KIF20B: variants seen among roughly 807,000 people sequenced by gnomAD.
KIF20B encodes the protein kinesin-like protein KIF20B.
A neutral mutation model predicts 232.5 loss-of-function variants in KIF20B; 188 were observed. The ratio of observed to expected loss-of-function variants is 0.81; its 90% confidence interval spans 0.72 to 0.91. The LOEUF (loss-of-function observed/expected upper bound fraction) is 0.91. KIF20B is among the 40% of genes least tolerant of loss of function. The probability of loss-of-function intolerance (pLI) is 0.00; values close to 1 mark genes in which losing one functional copy is unlikely to be tolerated. For missense variants in KIF20B, 2,154 were observed against 2,055.9 expected, an observed-to-expected ratio of 1.05 and a Z score of -0.92; for synonymous variants, 712 against 683.0, an observed-to-expected ratio of 1.04 and a Z score of -0.66.
chr10:89,770,414 A>G (rs1842439847), intron 31 of KIF20B, among the ~76,000 whole-genome samples: 1 of 152,006 alleles, frequency 6.6e-6, no homozygotes, highest in African/African-American at 2.4e-5. Context: ...TTAAATATCT[A>G]AATTTGGAGA....
At chr10:89,728,903 CTTTG>C (rs1589862045) in intron 17 of KIF20B, among the ~76,000 whole-genome samples, 1 of 98,184 alleles carries the variant, frequency 1.0e-5, no homozygotes, top group East Asian at 2.8e-4. Context: ...CTTCTTTTTT[CTTTG>C]TGTGTGTGTG....
intron 23 of KIF20B, among the ~76,000 whole-genome samples, chr10:89,748,433 T>C (rs1207263318): frequency 6.6e-6 from 1 of 152,242 alleles, no homozygotes; most frequent in African/African-American, 2.4e-5. Flanking sequence ...AACCCAGGTG[T>C]GCTTCACTCT....
chr10:89,736,831 G>A (rs945871118), intron 19 of KIF20B, among the ~76,000 whole-genome samples: 18 of 152,096 alleles, frequency 1.2e-4, no homozygotes, highest in African/African-American at 3.6e-4. Flanking sequence ...GTAGTATGAA[G>A]CAGTTTATTA....
At chr10:89,742,287 A>G (rs985254006) in intron 21 of KIF20B, among the ~76,000 whole-genome samples, 18 of 152,176 alleles carry the variant, frequency 1.2e-4, no homozygotes, top group South Asian at 4.1e-4. Context: ...TCTGGGTTCA[A>G]TACTGTCCAC....
chr10:89,745,836 C>A, intron 22 of KIF20B, 63 bp from the exon 23 acceptor site: 1 of 1,068,652 alleles, frequency 9.4e-7, no homozygotes, highest in Non-Finnish European at 1.4e-6. Context: ...TTTTCAAGAT[C>A]CACTGTTAAA....
chr10:89,732,104 C>T (rs371910427), intron 18 of KIF20B, among the ~76,000 whole-genome samples: 3 of 144,500 alleles, frequency 2.1e-5, no homozygotes, highest in Non-Finnish European at 4.5e-5. Flanking sequence ...TTTGGAAGTT[C>T]CCCCCCTCTC....
Position 89,717,460 on chromosome 10 carries a change from A to G in KIF20B, c.1089A>G (p.Glu363=), listed in dbSNP as rs1234249637. The G allele has an allele frequency of 6.3e-7, 1 of 1,595,512 alleles. No homozygotes were observed. The highest frequency in any genetic ancestry group is 8.6e-7 in the Non-Finnish European group (1 of 1,165,804). The change falls in exon 10 of 33, where the codon GAA becomes GAG. Residue 363 remains glutamate, a synonymous_variant. Coordinates refer to ENST00000371728, the MANE Select transcript of KIF20B (RefSeq NM_001284259.2). ...SIFTVKILQI[E]DSEMSRVIRV... is the part of the protein sequence containing the mutation. ...TCACTGTTAAAATATTACAGATTGAAGATTCTGAAATGTCTCGTGTAATTC... is the reference window on the plus strand; with the variant it reads ...TCACTGTTAAAATATTACAGATTGAGGATTCTGAAATGTCTCGTGTAATTC...
chr10:89,761,415 G>A (rs1231945614), intron 28 of KIF20B, among the ~76,000 whole-genome samples: 1 of 151,856 alleles, frequency 6.6e-6, no homozygotes, highest in East Asian at 1.9e-4. Flanking sequence ...ATTAAAGAAG[G>A]TGATACCATA....
In KIF20B at chr10:89,721,185, C is replaced by T. The variant is rs139014867; in HGVS notation, c.1722+1479C>T. Among the ~76,000 whole-genome samples the T allele has an allele frequency of 4.9e-4, 74 of 152,268 alleles. 1 individual carries two copies. The highest frequency in any genetic ancestry group is 1.8e-3 in the African/African-American group (73 of 41,550). On this transcript the variant is annotated intron_variant, in intron 13 of 32. Transcript: ENST00000371728. ...ATAAGTAGAACGATGATGTATTAGG[C>T]TAAATACTCTCATTTTAATAATTTA...
intron 23 of KIF20B, among the ~76,000 whole-genome samples, chr10:89,747,797 TAGTG>T (rs1469194525): frequency 4.6e-5 from 7 of 152,086 alleles, no homozygotes; most frequent in Non-Finnish European, 7.4e-5. Flanking sequence ...GATGACGAGT[TAGTG>T]GGTGCAGCGC....
intron 2 of KIF20B, among the ~76,000 whole-genome samples, chr10:89,707,493 CTTTT>C (rs956853888): frequency 2.7e-5 from 4 of 149,022 alleles, no homozygotes; most frequent in African/African-American, 1.0e-4. Flanking sequence ...TTTTCATTTC[CTTTT>C]TTTCTTTCCA....
rs1842532227 is a variant in KIF20B at position 89,774,627 on chromosome 10, G to T, written c.*579G>T. 1 of 151,932 alleles carries T rather than the reference G, an allele frequency of 6.6e-6. No homozygotes were observed. Among genetic ancestry groups the T allele is most frequent in the South Asian group, 2.1e-4 (1 of 4,832 alleles). The allele number at this position is 151,932 out of a possible 1,614,324, so 9.4% of individuals were successfully genotyped here. ...CACAGGCATGCAATGTGAAATACGT[G>T]TATCATGGAGAATGAGGTATCCATC... is the stretch of plus-strand genomic sequence containing the variant. On this transcript the variant is annotated 3_prime_UTR_variant, in exon 33 of 33. Coordinates refer to ENST00000371728, the MANE Select transcript of KIF20B (RefSeq NM_001284259.2).
At chr10:89,720,418 G>C (rs778193023) in intron 13 of KIF20B, among the ~76,000 whole-genome samples, 2 of 152,138 alleles carry the variant, frequency 1.3e-5, no homozygotes, top group Non-Finnish European at 2.9e-5. Flanking sequence ...GAGATGCTAA[G>C]TTTTGCTCAC....
chr10:89,738,889 C>T (rs1382639442), intron 20 of KIF20B, 69 bp from the exon 21 acceptor site: 1 of 1,461,918 alleles, frequency 6.8e-7, no homozygotes, highest in Admixed American at 2.4e-5. Flanking sequence ...AAGATTGTTA[C>T]CATTTCACAT....
intron 11 of KIF20B, 97 bp from the exon 12 acceptor site, chr10:89,718,613 A>T: frequency 1.1e-6 from 1 of 890,410 alleles, no homozygotes; most frequent in Non-Finnish European, 1.8e-6. Flanking sequence ...TAATTTCATG[A>T]TAGGTGGCTT....
chr10:89,768,383 G>A lies in KIF20B; in HGVS notation c.5083G>A (p.Glu1695Lys). 6.4e-7 allele frequency: 1 copy of A among 1,555,264 alleles called. No individual in the cohort carries two copies. The highest frequency in any genetic ancestry group is 8.8e-7 in the Non-Finnish European group (1 of 1,138,600). ...SDDRNSSVKK[E>K]QKVAIRPSSK... The stretch of plus-strand genomic sequence containing the variant: ...TGATAGAAATTCTTCTGTCAAAAAG[G>A]AACAAAAGGTGTGTCTTTTAATTTG... Residue 1695 changes from glutamate (E) to lysine (K), a missense_variant, in exon 30 of 33, where the codon GAA (glutamate) becomes AAA (lysine). Physicochemically the swap from Glu to Lys is moderately conservative, Grantham distance 56 (BLOSUM62 1). Coordinates refer to ENST00000371728, the MANE Select transcript of KIF20B (RefSeq NM_001284259.2).
chr10:89,738,700 T>A (rs1340418198), intron 20 of KIF20B, 83 bp downstream of exon 20: 6 of 1,437,972 alleles, frequency 4.2e-6, no homozygotes, highest in Admixed American at 2.8e-5. Context: ...TAGATAGTCA[T>A]ACTTAATCTG....
intron 19 of KIF20B, among the ~76,000 whole-genome samples, chr10:89,736,042 G>A (rs538402400): frequency 5.3e-5 from 8 of 152,238 alleles, no homozygotes; most frequent in South Asian, 4.1e-4. Flanking sequence ...AGTGAATGGC[G>A]GTCAGAAGAA....
intron 21 of KIF20B, among the ~76,000 whole-genome samples, chr10:89,740,617 T>G (rs1329845664): frequency 6.6e-6 from 1 of 152,168 alleles, no homozygotes; most frequent in Non-Finnish European, 1.5e-5. Context: ...GCTATTTCAT[T>G]AGCATAAATT....
Sources: allele counts gnomAD v4.1 joint callset (sites outside exome capture counted in the v4.1 genomes callset), GRCh38; gene constraint gnomAD v4.1.1; transcripts MANE v1.5; gene names NCBI Gene and HGNC (gene_info 2026-07-23, HGNC 2026-07-21).